Variants in LUZP2 observed in about 807,000 individuals in gnomAD.
LUZP2 encodes the protein leucine zipper protein 2.
LUZP2 carries 52 observed loss-of-function variants against 51.6 expected under a neutral mutation model. The observed-to-expected ratio is 1.01, with a 90% confidence interval of 0.81 to 1.27. The LOEUF (loss-of-function observed/expected upper bound fraction) is 1.27, where lower values mean the gene tolerates loss of function less well. Ranked by LOEUF, LUZP2 falls within the 50% of genes most tolerant of loss-of-function variation. LUZP2 has a pLI of 0.00. For missense variants in LUZP2, 436 were observed against 395.4 expected (o/e 1.10, Z -0.87); for synonymous variants, 154 against 137.3 (o/e 1.12, Z -0.85).
chr11:24,974,300 A>G (rs904756357), intron 7 of LUZP2, among the ~76,000 whole-genome samples: 1 of 151,950 alleles, frequency 6.6e-6, no homozygotes, highest in African/African-American at 2.4e-5. Context: ...ATTTTCCTCC[A>G]TCCATTTATT....
At chr11:24,736,638 G>A (rs575567192) in intron 3 of LUZP2, among the ~76,000 whole-genome samples, 1 of 151,896 alleles carries the variant, frequency 6.6e-6, no homozygotes, top group Non-Finnish European at 1.5e-5. Context: ...ATAGTTTGGT[G>A]TGGGGTTTAC....
chr11:24,517,660 A>C (rs1391235839), intron 1 of LUZP2, among the ~76,000 whole-genome samples: 1 of 151,954 alleles, frequency 6.6e-6, no homozygotes, highest in African/African-American at 2.4e-5. Context: ...TAAATTGTGG[A>C]GCCAATAATC....
chr11:24,804,526 A>G lies in LUZP2; in HGVS notation c.396+41218A>G, dbSNP rs182661437. On this transcript the variant is annotated intron_variant, in intron 5 of 11. Coordinates refer to ENST00000336930, the MANE Select transcript of LUZP2 (RefSeq NM_001009909.4). ...CTTGTTTGGACAGCCCTGCAGAAGT[A>G]TGATTGAAAGACAAATAAGGATGAT... 2.2e-3 allele frequency among the ~76,000 whole-genome samples: 334 copies of G among 152,298 alleles called. 1 individual carries two copies. The highest frequency in any genetic ancestry group is 7.6e-3 in the African/African-American group (318 of 41,576).
intron 5 of LUZP2, among the ~76,000 whole-genome samples, chr11:24,824,366 C>CAAGAAAAAAAAAAA (rs1850457812): frequency 3.6e-5 from 1 of 27,562 alleles, no homozygotes; most frequent in Non-Finnish European, 7.1e-5. Flanking sequence ...AACCCCATCT[C>CAAGAAAAAAAAAAA]AAAAAAAAAA....
At chr11:24,713,553 A>G (rs529269948) in intron 1 of LUZP2, among the ~76,000 whole-genome samples, 83 of 151,964 alleles carry the variant, frequency 5.5e-4, no homozygotes, top group Non-Finnish European at 1.1e-3. Flanking sequence ...AATAAAAGTT[A>G]ATACAGGCCA....
intron 1 of LUZP2, among the ~76,000 whole-genome samples, chr11:24,602,050 G>A (rs71458926): frequency 7.0e-6 from 1 of 141,892 alleles, no homozygotes; most frequent in South Asian, 2.1e-4. Flanking sequence ...CTGTATATAT[G>A]TGTATATATG....
chr11:24,603,655 G>A (rs1467488185), intron 1 of LUZP2, among the ~76,000 whole-genome samples: 4 of 143,580 alleles, frequency 2.8e-5, no homozygotes, highest in African/African-American at 4.9e-5. Context: ...AATATGCATT[G>A]TTGTTCTGTG....
In LUZP2 at chr11:25,067,087, T is replaced by C. The variant is rs369042982; in HGVS notation, c.859-10242T>C. 6.6e-5 allele frequency among the ~76,000 whole-genome samples: 10 copies of C among 152,158 alleles called. No individual in the cohort carries two copies. In the South Asian group the frequency reaches 1.9e-3, roughly 28 times the overall value. Reference sequence around the variant, plus strand: ...TTGAGATTCATTATCATTAAAGTAATAAAATTATATTTTTGGGATGGGAAG... The same window carrying C: ...TTGAGATTCATTATCATTAAAGTAACAAAATTATATTTTTGGGATGGGAAG... On this transcript the variant is annotated intron_variant, in intron 10 of 11. Transcript: ENST00000336930.
chr11:24,521,123 T>C (rs883926), intron 1 of LUZP2, among the ~76,000 whole-genome samples: 16,388 of 152,058 alleles, frequency 0.11, 1,302 homozygotes, highest in African/African-American at 0.22. Context: ...GGCCAAGGTG[T>C]GCGGATCACC....
chr11:25,072,096 C>T (rs567388821), intron 10 of LUZP2, among the ~76,000 whole-genome samples: 4 of 152,032 alleles, frequency 2.6e-5, no homozygotes, highest in African/African-American at 9.7e-5. Flanking sequence ...TATTGCAGAA[C>T]TTCCCCTGAT....
chr11:24,502,211 G>A (rs11027953), intron 1 of LUZP2, among the ~76,000 whole-genome samples: 13,366 of 140,912 alleles, frequency 0.095, 624 homozygotes, highest in African/African-American at 0.12. Flanking sequence ...GATTGATTTG[G>A]CCATAGCAGA....
At chr11:24,755,102 G>T (rs905907994) in intron 4 of LUZP2, among the ~76,000 whole-genome samples, 1 of 151,692 alleles carries the variant, frequency 6.6e-6, no homozygotes, top group Non-Finnish European at 1.5e-5. Context: ...CCAAGATCAT[G>T]CCATTGCACT....
At chr11:25,049,525 AG>A (rs1171211883) in intron 9 of LUZP2, among the ~76,000 whole-genome samples, 3 of 152,018 alleles carry the variant, frequency 2.0e-5, no homozygotes, top group Non-Finnish European at 1.5e-5. Context: ...AATAATATTT[AG>A]GGTTTCTGGA....
chr11:24,725,709 A>G (rs1391195235), intron 1 of LUZP2, among the ~76,000 whole-genome samples: 1 of 152,154 alleles, frequency 6.6e-6, no homozygotes, highest in Non-Finnish European at 1.5e-5. Flanking sequence ...GGTAAATGTA[A>G]TAGGTTGGAA....
At chr11:24,843,849 G>A (rs951567499) in intron 5 of LUZP2, among the ~76,000 whole-genome samples, 2 of 152,122 alleles carry the variant, frequency 1.3e-5, no homozygotes, top group South Asian at 4.1e-4. Flanking sequence ...TGTACAAGCT[G>A]TCTCTCTCTT....
chr11:24,961,130 G>A (rs1338216695), intron 7 of LUZP2, among the ~76,000 whole-genome samples: 2 of 152,120 alleles, frequency 1.3e-5, no homozygotes. Context: ...TATAATTTCT[G>A]TTCTTTTACA....
chr11:24,724,727 A>G (rs1858408886), intron 1 of LUZP2, among the ~76,000 whole-genome samples: 1 of 152,198 alleles, frequency 6.6e-6, no homozygotes, highest in Non-Finnish European at 1.5e-5. Flanking sequence ...AAAAGATATG[A>G]CTGGTCAATT....
At chr11:24,553,927 A>C (rs904561365) in intron 1 of LUZP2, among the ~76,000 whole-genome samples, 1 of 152,186 alleles carries the variant, frequency 6.6e-6, no homozygotes, top group Non-Finnish European at 1.5e-5. Flanking sequence ...GGCTAAAAAG[A>C]CTTTGAAAGT....
At position 24,893,774 on chromosome 11, in the gene LUZP2, A is replaced by G. The variant is rs937458941; in HGVS notation, c.397-12217A>G. Among the ~76,000 whole-genome samples the G allele has an allele frequency of 6.5e-3, 3 of 460 alleles. 1 individual carries two copies. The South Asian group carries it at 0.5, about 77-fold the overall frequency. 0.3% of individuals were successfully genotyped at this position (460 alleles called of 152,430 possible). ...CAAACACATGCACAAATACACACGC[A>G]CACACACACACACACACACACACAC... On this transcript the variant is annotated intron_variant, in intron 5 of 11. Transcript: ENST00000336930.
Sources: allele counts gnomAD v4.1 joint callset (sites outside exome capture counted in the v4.1 genomes callset), GRCh38; gene constraint gnomAD v4.1.1; transcripts MANE v1.5; gene names NCBI Gene and HGNC (gene_info 2026-07-23, HGNC 2026-07-21).